S100Z: variants seen among roughly 807,000 people sequenced by gnomAD.
S100Z encodes S100 calcium binding protein Z, also known as protein S100-Z.
S100Z carries 11 observed loss-of-function variants against 8.5 expected under a neutral mutation model. The ratio of observed to expected loss-of-function variants is 1.30; its 90% confidence interval spans 0.82 to 2.15. The LOEUF (loss-of-function observed/expected upper bound fraction) is 2.15. S100Z is among the 30% of genes most tolerant of loss of function. S100Z has a pLI of 0.00. For missense variants in S100Z, 126 were observed against 117.9 expected (o/e 1.07, Z -0.32); for synonymous variants, 34 against 43.8 (o/e 0.78, Z 0.89).
chr5:76,945,844 G>A, the S100Z span, among the ~76,000 whole-genome samples: 171 of 152,246 alleles, frequency 1.1e-3, no homozygotes, highest in African/African-American at 3.7e-3. Flanking sequence ...TCCTGGGCCC[G>A]CTGTTCTTTC....
chr5:76,939,558 G>A, the S100Z span, among the ~76,000 whole-genome samples: 1 of 145,608 alleles, frequency 6.9e-6, no homozygotes, highest in Admixed American at 7.0e-5. Flanking sequence ...TGTTGCCCAG[G>A]TTGGAGTGCA....
chr5:76,853,387 C>G (rs1193227149), intron 1 of S100Z, among the ~76,000 whole-genome samples: 2 of 152,198 alleles, frequency 1.3e-5, no homozygotes, highest in Admixed American at 6.5e-5. Flanking sequence ...AAACAACCAA[C>G]TTTTATAGTA....
At position 76,920,745 on chromosome 5, in the gene S100Z, A is replaced by G. The variant is rs1453781036; in HGVS notation, c.*31A>G. 1 of 152,226 alleles carries G rather than the reference A, an allele frequency of 6.6e-6. No homozygotes were observed. The highest frequency in any genetic ancestry group is 1.5e-5 in the Non-Finnish European group (1 of 68,046). 9.4% of individuals were successfully genotyped at this position (152,226 alleles called of 1,614,324 possible). A position where few individuals can be genotyped will look rare whatever the true frequency, so the allele number is the denominator to read the frequency against. ...GTTCGTGAATGCTAATCAAGGGCTA[A>G]ATAAAGTGGAAAGCAGCATCCTTGA... is the stretch of plus-strand genomic sequence containing the variant. On this transcript the variant is annotated 3_prime_UTR_variant, in exon 5 of 5. Transcript: ENST00000317593.
the S100Z span, among the ~76,000 whole-genome samples, chr5:76,929,416 A>T: frequency 6.6e-6 from 1 of 152,238 alleles, no homozygotes; most frequent in Non-Finnish European, 1.5e-5. Context: ...GGAAAATGAA[A>T]TATCCTATTA....
intron 4 of S100Z, among the ~76,000 whole-genome samples, chr5:76,885,799 C>T (rs1053174627): frequency 6.8e-6 from 1 of 147,144 alleles, no homozygotes. Context: ...GGGCTGCTTG[C>T]CCCCCAGAAA....
At chr5:76,942,433 C>CAAAAAAAA in the S100Z span, among the ~76,000 whole-genome samples, 100 of 113,202 alleles carry the variant, frequency 8.8e-4, 8 homozygotes, top group African/African-American at 1.8e-3. Context: ...TTATATTGGC[C>CAAAAAAAA]AAAAAAAAAA....
Position 76,921,112 on chromosome 5 carries a change from C to A in S100Z, c.*398C>A, listed in dbSNP as rs866588657. The A allele has an allele frequency of 2.0e-5, 3 of 152,076 alleles. No homozygotes were observed. The highest frequency in any genetic ancestry group is 2.0e-4 in the Admixed American group (3 of 15,256). 9.4% of individuals were successfully genotyped at this position (152,076 alleles called of 1,614,324 possible). A position where few individuals can be genotyped will look rare whatever the true frequency, so the allele number is the denominator to read the frequency against. On this transcript the variant is annotated 3_prime_UTR_variant, in exon 5 of 5. Coordinates refer to ENST00000317593, the MANE Select transcript of S100Z (RefSeq NM_130772.4). ...TATAATCACTGTTAACTTCTTCATT[C>A]GAATTTTCCCTAGGTCCATGTATCT... is the stretch of plus-strand genomic sequence containing the variant.
chr5:76,906,976 GTATATATATATATA>G (rs869046562), intron 4 of S100Z, among the ~76,000 whole-genome samples: 257 of 21,748 alleles, frequency 0.012, 3 homozygotes, highest in African/African-American at 0.035. Context: ...TTGTGTGTGT[GTATATATATATATA>G]TATATATATA....
chr5:76,883,730 C>G (rs1181193932), intron 4 of S100Z, among the ~76,000 whole-genome samples: 1 of 152,182 alleles, frequency 6.6e-6, no homozygotes, highest in African/African-American at 2.4e-5. Flanking sequence ...GAGTGGCTGC[C>G]AGGTGAGTTG....
intron 4 of S100Z, among the ~76,000 whole-genome samples, chr5:76,879,656 G>A (rs1743323818): frequency 6.6e-6 from 1 of 152,092 alleles, no homozygotes; most frequent in African/African-American, 2.4e-5. Flanking sequence ...GATTAGAGGA[G>A]GTCACTCCGG....
chr5:76,877,349 A>G (rs766369560), intron 3 of S100Z, among the ~76,000 whole-genome samples: 33 of 151,954 alleles, frequency 2.2e-4, no homozygotes, highest in Non-Finnish European at 4.4e-4. Context: ...TTTCTATGTC[A>G]CTCGACTATC....
At chr5:76,898,735 A>G (rs1744125843) in intron 4 of S100Z, among the ~76,000 whole-genome samples, 1 of 152,114 alleles carries the variant, frequency 6.6e-6, no homozygotes, top group Admixed American at 6.5e-5. Flanking sequence ...ATCAGTATTC[A>G]TCAAAGATAT....
intron 4 of S100Z, among the ~76,000 whole-genome samples, chr5:76,909,331 T>C (rs568400404): frequency 6.6e-6 from 1 of 152,276 alleles, no homozygotes; most frequent in East Asian, 1.9e-4. Context: ...CTCATTTGTT[T>C]CCACACTACG....
At chr5:76,912,661 A>T (rs1275912596) in intron 4 of S100Z, among the ~76,000 whole-genome samples, 2 of 152,170 alleles carry the variant, frequency 1.3e-5, no homozygotes, top group African/African-American at 4.8e-5. Context: ...TCTGGGGGGA[A>T]CCCCCATAAA....
At chr5:76,867,276 C>CT (rs1742791913) in intron 1 of S100Z, among the ~76,000 whole-genome samples, 1 of 152,156 alleles carries the variant, frequency 6.6e-6, no homozygotes, top group Non-Finnish European at 1.5e-5. Flanking sequence ...CATGCTGTTG[C>CT]TAGGAAAATG....
downstream of S100Z, among the ~76,000 whole-genome samples, chr5:76,922,003 A>AG (rs1745056956): frequency 6.8e-6 from 1 of 146,394 alleles, no homozygotes; most frequent in Non-Finnish European, 1.5e-5. Context: ...AAAAAAAAAA[A>AG]GAAAAAAGAA....
At chr5:76,946,171 C>T in the S100Z span, among the ~76,000 whole-genome samples, 27 of 152,246 alleles carry the variant, frequency 1.8e-4, no homozygotes, top group East Asian at 7.7e-4. Context: ...TGATTCACTG[C>T]GATAATCTGG....
At chr5:76,936,499 A>G in the S100Z span, among the ~76,000 whole-genome samples, 2 of 152,050 alleles carry the variant, frequency 1.3e-5, no homozygotes, top group African/African-American at 4.8e-5. Flanking sequence ...AACCATGAAC[A>G]TACAATTTTT....
the S100Z span, among the ~76,000 whole-genome samples, chr5:76,930,695 T>C: frequency 2.0e-5 from 3 of 152,216 alleles, no homozygotes; most frequent in Non-Finnish European, 4.4e-5. Flanking sequence ...GTCATAATTC[T>C]ATTTAATACC....
Sources: gnomAD v4.1 joint callset for allele counts (sites outside exome capture counted in the v4.1 genomes callset) on GRCh38, gnomAD v4.1.1 for gene constraint, MANE v1.5 for transcripts, NCBI Gene and HGNC (gene_info 2026-07-23, HGNC 2026-07-21) for gene names.